SYK: variants seen among roughly 807,000 people sequenced by gnomAD.
SYK encodes the protein tyrosine-protein kinase SYK.
In SYK, 16 loss-of-function variants were observed where a neutral mutation model predicts 77.8. The ratio of observed to expected loss-of-function variants is 0.21; its 90% CI spans 0.14 to 0.31. The LOEUF is 0.31. SYK is among the 10% of genes least tolerant of loss of function. SYK has a pLI of 1.00. For synonymous variants in SYK, 312 were observed against 308.7 expected (o/e 1.01, Z -0.11); for missense variants, 529 against 814.4 (o/e 0.65, Z 4.26).
At position 90,884,214 on chromosome 9, in the gene SYK, CACGCATAT is replaced by C. The variant is rs76211482; in HGVS notation, c.1582-3532_1582-3525del. Among the ~76,000 whole-genome samples, 145 of 65,556 alleles carry C rather than the reference CACGCATAT, an allele frequency of 2.2e-3. 3 individuals are homozygous for C. Among genetic ancestry groups the C allele is most frequent in the East Asian group, 0.01 (13 of 1,268 alleles). The allele number at this position is 65,556 out of a possible 152,430, so 43.0% of individuals were successfully genotyped here. Reference sequence around the variant, plus strand: ...ACACATACACATACGTGTATATATACACGCATATACACATACACATACGTGTATATATA... The same window carrying C: ...ACACATACACATACGTGTATATATACACACATACACATACGTGTATATATA... On this transcript the variant is annotated intron_variant, in intron 11 of 13. Coordinates refer to ENST00000375754, the MANE Select transcript of SYK (RefSeq NM_003177.7).
At position 90,898,312 on chromosome 9, in the gene SYK, C is replaced by CA. The variant is rs1829072991; in HGVS notation, c.*2712_*2713insA. The CA allele has an allele frequency of 1.3e-5, 3 of 229,022 alleles. No homozygotes were observed. The highest frequency in any genetic ancestry group is 5.7e-5 in the Admixed American group (1 of 17,622). 14.2% of individuals were successfully genotyped at this position (229,022 alleles called of 1,614,324 possible). A position where few individuals can be genotyped will look rare whatever the true frequency, so the allele number is the denominator to read the frequency against. The stretch of plus-strand genomic sequence containing the variant: ...GTCCTTCTCCCATACTCCCTATCAG[C>CA]CAGCCCTGCCTGTAGCTGCTGTATG... On this transcript the variant is annotated 3_prime_UTR_variant, in exon 14 of 14. Coordinates refer to ENST00000375754, the MANE Select transcript of SYK (RefSeq NM_003177.7).
At chr9:90,878,459 A>G (rs1475243138) in intron 10 of SYK, among the ~76,000 whole-genome samples, 1 of 152,172 alleles carries the variant, frequency 6.6e-6, no homozygotes, top group Non-Finnish European at 1.5e-5. Flanking sequence ...GACCTGTGTG[A>G]TACTGGAACA....
chr9:90,807,973 T>C (rs929726890), intron 1 of SYK, among the ~76,000 whole-genome samples: 3 of 152,246 alleles, frequency 2.0e-5, no homozygotes, highest in Admixed American at 1.3e-4. Context: ...TCTGGAACTT[T>C]CTTTTTATTA....
At chr9:90,883,212 G>T (rs1252624749) in intron 11 of SYK, among the ~76,000 whole-genome samples, 1 of 152,110 alleles carries the variant, frequency 6.6e-6, no homozygotes, top group Non-Finnish European at 1.5e-5. Flanking sequence ...GCTACAGGCT[G>T]CTGTGGGGCT....
At chr9:90,820,826 A>G (rs1825485389) in intron 1 of SYK, among the ~76,000 whole-genome samples, 1 of 150,764 alleles carries the variant, frequency 6.6e-6, no homozygotes, top group Non-Finnish European at 1.5e-5. Context: ...TTTCTATTAC[A>G]TAGTCAGGCT....
At chr9:90,821,473 C>T (rs1291587101) in intron 1 of SYK, among the ~76,000 whole-genome samples, 1 of 152,146 alleles carries the variant, frequency 6.6e-6, no homozygotes, top group Non-Finnish European at 1.5e-5. Context: ...AGTGGAAACC[C>T]CTGATAAACC....
rs1331405227 is a variant in SYK at position 90,844,261 on chromosome 9, G to T, written c.363G>T (p.Glu121Asp). ...QGVQPKTGPF[E>D]DLKENLIREY... ...TGCAGCCCAAGACTGGGCCCTTTGA[G>T]GATTTGAAGGAAAACCTCATCAGGG... Residue 121 changes from glutamate (E) to aspartate (D), a missense_variant, in exon 2 of 14, where the codon GAG becomes GAT. By Grantham distance (45) the Glu-to-Asp change is conservative. Around this residue, in one of 2 missense-constraint regions of SYK, gnomAD observed 321 missense variants for 433.1 expected, o/e 0.74. Transcript: ENST00000375754. 6.2e-7 allele frequency: 1 copy of T among 1,613,746 alleles called. No homozygotes were observed. The highest frequency in any genetic ancestry group is 8.5e-7 in the Non-Finnish European group (1 of 1,179,846).
chr9:90,829,802 A>G (rs942398660), intron 1 of SYK, among the ~76,000 whole-genome samples: 1 of 152,268 alleles, frequency 6.6e-6, no homozygotes, highest in Non-Finnish European at 1.5e-5. Context: ...GTTAACATTT[A>G]TATTAACATA....
intron 1 of SYK, among the ~76,000 whole-genome samples, chr9:90,819,499 T>A (rs991965986): frequency 3.9e-5 from 6 of 152,206 alleles, no homozygotes; most frequent in Non-Finnish European, 7.3e-5. Context: ...TGAAAGGCAC[T>A]TCTTACATGG....
At chr9:90,852,416 C>A (rs57536031) in intron 3 of SYK, among the ~76,000 whole-genome samples, 6,869 of 152,200 alleles carry the variant, frequency 0.045, 545 homozygotes, top group African/African-American at 0.16. Flanking sequence ...CCACACACAT[C>A]GCTCTGCTAA....
intron 12 of SYK, among the ~76,000 whole-genome samples, 163 bp downstream of exon 12, chr9:90,888,052 T>C (rs1414509349): frequency 6.6e-6 from 1 of 152,234 alleles, no homozygotes; most frequent in Non-Finnish European, 1.5e-5. Flanking sequence ...GAATGAAATA[T>C]CTGATGCTCA....
chr9:90,844,162 C>T lies in SYK; in HGVS notation c.264C>T (p.Leu88=). The part of the protein sequence containing the change: ...GGRTHASPAD[L]CHYHSQESDG... ...GGACCCATGCCAGCCCCGCCGACCT[C>T]TGCCACTACCACTCCCAGGAGTCTG... Residue 88 remains leucine, a synonymous_variant, in exon 2 of 14, where the codon CTC becomes CTT. Coordinates refer to ENST00000375754, the MANE Select transcript of SYK (RefSeq NM_003177.7). The T allele has an allele frequency of 6.2e-7, 1 of 1,614,248 alleles. No individual in the cohort carries two copies. The highest frequency in any genetic ancestry group is 1.1e-5 in the South Asian group (1 of 91,088).
At chr9:90,846,108 T>C (rs1487530267) in intron 3 of SYK, among the ~76,000 whole-genome samples, 2 of 152,168 alleles carry the variant, frequency 1.3e-5, no homozygotes, top group Non-Finnish European at 2.9e-5. Flanking sequence ...CATTAGAGGG[T>C]CTGTCTGAAT....
chr9:90,850,094 TC>T (rs2118685627), intron 3 of SYK, among the ~76,000 whole-genome samples: 1 of 152,356 alleles, frequency 6.6e-6, no homozygotes, highest in East Asian at 1.9e-4. Flanking sequence ...ATCCTTCCCT[TC>T]TCTTCTTCAG....
intron 9 of SYK, among the ~76,000 whole-genome samples, chr9:90,875,333 G>C (rs1035705191): frequency 1.3e-5 from 2 of 152,210 alleles, no homozygotes; most frequent in South Asian, 4.1e-4. Context: ...AGGCCAAGAA[G>C]CCAAGGCTGC....
intron 11 of SYK, among the ~76,000 whole-genome samples, chr9:90,884,943 A>G (rs367908346): frequency 1.4e-5 from 2 of 144,130 alleles, no homozygotes; most frequent in African/African-American, 2.6e-5. Context: ...ACATATGTGT[A>G]TATATATACA....
At chr9:90,885,207 G>A (rs1828517124) in intron 11 of SYK, among the ~76,000 whole-genome samples, 1 of 151,592 alleles carries the variant, frequency 6.6e-6, no homozygotes, top group Non-Finnish European at 1.5e-5. Flanking sequence ...AACCCCAGAT[G>A]AACAATTCAA....
intron 6 of SYK, among the ~76,000 whole-genome samples, chr9:90,865,311 CTT>C (rs372346771): frequency 2.1e-5 from 3 of 144,950 alleles, no homozygotes; most frequent in African/African-American, 5.0e-5. Flanking sequence ...TTTTCTTTTG[CTT>C]TTTTTTTTTG....
At chr9:90,841,216 TTG>T (rs1826306989) in intron 1 of SYK, among the ~76,000 whole-genome samples, 2 of 151,076 alleles carry the variant, frequency 1.3e-5, no homozygotes, top group East Asian at 1.9e-4. Context: ...ATGTAGTGTG[TTG>T]TGTGTCGTGT....
Sources: gnomAD v4.1 joint callset for allele counts (sites outside exome capture counted in the v4.1 genomes callset) on GRCh38, gnomAD v4.1.1 for gene constraint, gnomAD v4.1.1 regional missense constraint, MANE v1.5 for transcripts, NCBI Gene and HGNC (gene_info 2026-07-23, HGNC 2026-07-21) for gene names.